Variants in CSNK2A1 observed in about 807,000 individuals in gnomAD.
The protein encoded by CSNK2A1 is casein kinase 2 alpha 1, also known as casein kinase II subunit alpha.
In CSNK2A1, 10 loss-of-function variants were observed where a neutral mutation model predicts 62.9. That is an observed-to-expected ratio of 0.16 (90% CI 0.10 to 0.27). CSNK2A1 has a LOEUF of 0.27. CSNK2A1 is among the 10% of genes least tolerant of loss of function. The pLI is 1.00. For missense variants in CSNK2A1, 160 were observed against 492.0 expected (o/e 0.33, Z 6.38); for synonymous variants, 124 against 167.8 (o/e 0.74, Z 2.02).
rs2018560854 is a variant in CSNK2A1 at position 505,536 on chromosome 20, T to C, written c.102-307A>G. 2.6e-5 allele frequency among the ~76,000 whole-genome samples: 4 copies of C among 151,642 alleles called. No individual in the cohort carries two copies. In the South Asian group the frequency reaches 8.4e-4, roughly 32 times the overall value. ...CACCATGCCCGGCTAATTTTTTGAA[T>C]TTTTAGTAGAGACGGCGGGTCCTCA... On this transcript the variant is annotated intron_variant, in intron 3 of 13. Coordinates refer to ENST00000217244, the MANE Select transcript of CSNK2A1 (RefSeq NM_177559.3).
intron 1 of CSNK2A1, among the ~76,000 whole-genome samples, chr20:530,509 C>G (rs1485846552): frequency 6.7e-6 from 1 of 149,894 alleles, no homozygotes; most frequent in East Asian, 1.9e-4. Context: ...TGCTCTGTCA[C>G]CCAGGCTGGA....
Position 497,734 on chromosome 20 carries a change from T to C in CSNK2A1, c.413A>G (p.Tyr138Cys). The C allele has an allele frequency of 1.2e-6, 2 of 1,611,274 alleles. No individual in the cohort carries two copies. Among genetic ancestry groups the C allele is most frequent in the Non-Finnish European group, 1.7e-6 (2 of 1,177,986 alleles). The change falls in exon 7 of 14, where the codon TAT becomes TGT. Residue 138 changes from tyrosine (Y) to cysteine (C), a missense_variant. Tyr to Cys is a radical substitution (Grantham distance 194). Coordinates refer to ENST00000217244, the MANE Select transcript of CSNK2A1 (RefSeq NM_177559.3). ...LTDYDIRFYM[Y>C]EILKALDYCH... is the part of the protein sequence containing the mutation. ...AGGTTCACTTACCTTCAGAATCTCATACATGTAAAATCGAATATCATAGTC... is the reference window on the plus strand; with the variant it reads ...AGGTTCACTTACCTTCAGAATCTCACACATGTAAAATCGAATATCATAGTC...
chr20:542,166 T>C (rs528794272), intron 1 of CSNK2A1, among the ~76,000 whole-genome samples: 2 of 152,334 alleles, frequency 1.3e-5, no homozygotes, highest in South Asian at 4.1e-4. Flanking sequence ...AGCTACTTAC[T>C]ACACTTACTA....
rs1012208265 is a variant in CSNK2A1, at chr20:508,675, T to C, written c.-109-15A>G. 1.1e-5 allele frequency: 9 copies of C among 806,258 alleles called. No homozygotes were observed. In the African/African-American group the frequency reaches 1.6e-4, roughly 14 times the overall value. The allele number at this position is 806,258 out of a possible 1,614,324, so 49.9% of individuals were successfully genotyped here. ...TTTTCTTCAAACTGCAGAAACAAAA[T>C]GCACAAAGTCCAAGGAATCATTTAC... On this transcript the variant is annotated splice_polypyrimidine_tract_variant and intron_variant, in intron 2 of 13. Coordinates refer to ENST00000217244, the MANE Select transcript of CSNK2A1 (RefSeq NM_177559.3).
chr20:505,102 T>C lies in CSNK2A1; in HGVS notation c.213+16A>G. 6 of 1,587,112 alleles carry C rather than the reference T, an allele frequency of 3.8e-6. No homozygotes were observed. Among genetic ancestry groups the C allele is most frequent in the Non-Finnish European group, 5.1e-6 (6 of 1,166,328 alleles). On this transcript the variant is annotated intron_variant, in intron 4 of 13. Coordinates refer to ENST00000217244, the MANE Select transcript of CSNK2A1 (RefSeq NM_177559.3). ...TCTATATTCCAAATACCTCTGAAAT[T>C]ATCTCTTGTACTCACCTTGAGAATT... is the stretch of plus-strand genomic sequence containing the variant.
chr20:519,162 TTC>T (rs2018891264), intron 2 of CSNK2A1, among the ~76,000 whole-genome samples: 1 of 152,094 alleles, frequency 6.6e-6, no homozygotes, highest in Admixed American at 6.6e-5. Context: ...GGTCTTGAAC[TTC>T]TGACCTCAAG....
chr20:536,202 A>G (rs2019320161), intron 1 of CSNK2A1, among the ~76,000 whole-genome samples: 1 of 152,230 alleles, frequency 6.6e-6, no homozygotes, highest in African/African-American at 2.4e-5. Context: ...AGGCTACATT[A>G]GAAACAAGGA....
intron 2 of CSNK2A1, among the ~76,000 whole-genome samples, chr20:515,100 G>A (rs2256420): frequency 6.6e-6 from 1 of 151,788 alleles, no homozygotes; most frequent in Non-Finnish European, 1.5e-5. Flanking sequence ...CTGAGTGTGG[G>A]ACAGGACTTA....
Position 488,704 on chromosome 20 carries a change from A to C in CSNK2A1, c.798T>G (p.Asp266Glu). ...DYIDKYNIELDPRFNDILGRH... is the reference protein window; with the variant it reads ...DYIDKYNIELEPRFNDILGRH... ...TGCCCAAGATATCATTGAAACGTGGATCTAATTCAATGTTGTATTTGTCAA... is the reference window on the plus strand; with the variant it reads ...TGCCCAAGATATCATTGAAACGTGGCTCTAATTCAATGTTGTATTTGTCAA... Residue 266 changes from aspartate (D) to glutamate (E), a missense_variant, in exon 11 of 14, where the codon GAT (aspartate) becomes GAG (glutamate). Physicochemically the swap from Asp to Glu is conservative, Grantham distance 45. Transcript: ENST00000217244. 6.2e-7 allele frequency: 1 copy of C among 1,613,918 alleles called. No individual in the cohort carries two copies. The highest frequency in any genetic ancestry group is 8.5e-7 in the Non-Finnish European group (1 of 1,179,886).
At chr20:540,109 G>C (rs1181806942) in intron 1 of CSNK2A1, 1 of 152,202 alleles carries the variant, frequency 6.6e-6, no homozygotes, top group African/African-American at 2.4e-5. Flanking sequence ...TTTATGAAAA[G>C]CAACACATTC....
chr20:509,825 C>T (rs1453616441), intron 2 of CSNK2A1, among the ~76,000 whole-genome samples: 2 of 152,218 alleles, frequency 1.3e-5, no homozygotes, highest in East Asian at 1.9e-4. Flanking sequence ...AATCCTCCCA[C>T]CTCAGCCTCC....
chr20:492,608 A>C (rs1338336314), intron 8 of CSNK2A1: 1 of 484,046 alleles, frequency 2.1e-6, no homozygotes, highest in Non-Finnish European at 3.7e-6. Flanking sequence ...CTGCTCAATG[A>C]CTAAAATGTC....
intron 1 of CSNK2A1, among the ~76,000 whole-genome samples, chr20:538,368 G>A (rs2019379072): frequency 6.6e-6 from 1 of 152,082 alleles, no homozygotes; most frequent in Non-Finnish European, 1.5e-5. Flanking sequence ...ACATTCATGT[G>A]GCCCAATTTC....
intron 11 of CSNK2A1, 26 bp downstream of exon 11, chr20:488,652 T>G (rs1211048795): frequency 6.2e-7 from 1 of 1,605,992 alleles, no homozygotes; most frequent in African/African-American, 1.3e-5. Context: ...AAGCCACAGA[T>G]GCACATATTT....
intron 4 of CSNK2A1, chr20:503,790 CA>C: frequency 2.5e-6 from 1 of 397,900 alleles, no homozygotes; most frequent in South Asian, 1.4e-4. Context: ...CATAACCCAA[CA>C]GTAACAAATT....
rs776281902 is a variant in CSNK2A1 at position 478,960 on chromosome 20, A to G, written c.*5001T>C. On this transcript the variant is annotated 3_prime_UTR_variant, in exon 14 of 14. Transcript: ENST00000217244. ...AACAAACAAAAAACTTCTAGTGAGT[A>G]GAGCGACAGGGAGACAAATCCAGTT... 9 of 159,734 alleles carry G rather than the reference A, an allele frequency of 5.6e-5. No homozygotes were observed. Among genetic ancestry groups the G allele is most frequent in the Non-Finnish European group, 1.1e-4 (8 of 71,840 alleles). 9.9% of individuals were successfully genotyped at this position (159,734 alleles called of 1,614,324 possible).
intron 2 of CSNK2A1, among the ~76,000 whole-genome samples, chr20:516,733 T>C (rs1600398904): frequency 6.6e-6 from 1 of 152,234 alleles, no homozygotes; most frequent in Non-Finnish European, 1.5e-5. Context: ...TAATGTATTT[T>C]TATTGATGAA....
chr20:523,365 T>C (rs1255331412), intron 2 of CSNK2A1, among the ~76,000 whole-genome samples: 1 of 152,202 alleles, frequency 6.6e-6, no homozygotes, highest in Non-Finnish European at 1.5e-5. Context: ...TCACAGCAAC[T>C]GTATTCATAA....
chr20:512,863 T>C (rs12625156), intron 2 of CSNK2A1, among the ~76,000 whole-genome samples: 1 of 152,194 alleles, frequency 6.6e-6, no homozygotes. Flanking sequence ...CAGTTAAAAC[T>C]GTAAACGCAC....
Sources: gnomAD v4.1 joint callset for allele counts (sites outside exome capture counted in the v4.1 genomes callset) on GRCh38, gnomAD v4.1.1 for gene constraint, MANE v1.5 for transcripts, NCBI Gene and HGNC (gene_info 2026-07-23, HGNC 2026-07-21) for gene names.